Variants in CAPN13 observed in about 807,000 individuals in gnomAD.
CAPN13 encodes the protein calpain-13.
Under a neutral mutation model 98.4 loss-of-function variants are expected in CAPN13, and 90 were observed. That is an observed-to-expected ratio of 0.92 (90% CI 0.77 to 1.09). The LOEUF (loss-of-function observed/expected upper bound fraction) is 1.09. Ranked by LOEUF, CAPN13 falls within the 50% of genes least tolerant of loss-of-function variation. The pLI is 0.00. For synonymous variants in CAPN13, 330 were observed against 305.5 expected (o/e 1.08, Z -0.84); for missense variants, 887 against 841.3 (o/e 1.05, Z -0.67).
chr2:30,777,544 G>C (rs1231594018), intron 3 of CAPN13, 23 bp downstream of exon 3: 1 of 1,555,310 alleles, frequency 6.4e-7, no homozygotes, highest in South Asian at 1.2e-5. Flanking sequence ...CCAGGGCACG[G>C]AGGGAAGATG....
intron 1 of CAPN13, 44 bp from the exon 2 acceptor site, chr2:30,787,401 T>C: frequency 7.1e-7 from 1 of 1,417,514 alleles, no homozygotes. Flanking sequence ...AGCCATCAAG[T>C]CCTTTGCATC....
intron 2 of CAPN13, among the ~76,000 whole-genome samples, chr2:30,781,950 G>C (rs1674002058): frequency 6.6e-6 from 1 of 152,272 alleles, no homozygotes; most frequent in East Asian, 1.9e-4. Flanking sequence ...AGAACCCTGA[G>C]TAATACAGAA....
At position 30,764,261 on chromosome 2, in the gene CAPN13, A is replaced by G. The variant is rs1185485890; in HGVS notation, c.570T>C (p.Asp190=). The G allele has an allele frequency of 2.5e-6, 4 of 1,613,802 alleles. No individual in the cohort carries two copies. Among genetic ancestry groups the G allele is most frequent in the Non-Finnish European group, 3.4e-6 (4 of 1,179,844 alleles). The change falls in exon 6 of 23, where the codon GAT becomes GAC. Residue 190 remains aspartate, a synonymous_variant. Coordinates refer to ENST00000295055, the MANE Select transcript of CAPN13 (RefSeq NM_144575.3). ...CGCCTCCTGTGAGGTCCACCAGGGC[A>G]TCCTCGAGGAAGCCATAGTGCAGAT... The part of the protein sequence containing the change: ...YSDLHYGFLE[D]ALVDLTGGVI...
At chr2:30,786,985 G>T in intron 2 of CAPN13, 143 bp downstream of exon 2, 1 of 659,030 alleles carries the variant, frequency 1.5e-6, no homozygotes, top group Non-Finnish European at 2.6e-6. Context: ...CTGCTGAGTA[G>T]CTACAACACT....
chr2:30,734,244 G>A (rs957953279), intron 19 of CAPN13, among the ~76,000 whole-genome samples: 2 of 152,184 alleles, frequency 1.3e-5, no homozygotes, highest in African/African-American at 2.4e-5. Flanking sequence ...TGAATGGCAC[G>A]TGAGAACTCA....
chr2:30,735,942 G>A (rs1402239811), intron 18 of CAPN13, among the ~76,000 whole-genome samples: 2 of 152,136 alleles, frequency 1.3e-5, no homozygotes, highest in Non-Finnish European at 2.9e-5. Flanking sequence ...GGCTGAAGGG[G>A]CACAGGTGTG....
In CAPN13 at chr2:30,764,151, G is replaced by T; in HGVS notation, c.680C>A (p.Thr227Asn). ...KTATKAGSLITCATPSGPTDT... is the reference protein window; with the variant it reads ...KTATKAGSLINCATPSGPTDT... Reference sequence around the variant, plus strand: ...ACTTACCCCACTTGGAGTGGCACAGGTTATCAGGGAGCCTGCCTTGGTCGC... The same window carrying T: ...ACTTACCCCACTTGGAGTGGCACAGTTTATCAGGGAGCCTGCCTTGGTCGC... The change falls in exon 6 of 23, where the codon ACC becomes AAC. Residue 227 changes from threonine (T) to asparagine (N), a missense_variant. Physicochemically the swap from Thr to Asn is moderately conservative, Grantham distance 65. Transcript: ENST00000295055. The T allele has an allele frequency of 1.3e-6, 2 of 1,577,980 alleles. No individual in the cohort carries two copies. Among genetic ancestry groups the T allele is most frequent in the South Asian group, 2.3e-5 (2 of 86,044 alleles).
intron 4 of CAPN13, among the ~76,000 whole-genome samples, chr2:30,773,338 C>T (rs566320977): frequency 1.3e-5 from 2 of 151,176 alleles, no homozygotes; most frequent in African/African-American, 4.9e-5. Flanking sequence ...AAAACTCTCA[C>T]ATATTCTGAG....
At chr2:30,803,866 G>A (rs1020211512) in intron 1 of CAPN13, among the ~76,000 whole-genome samples, 4 of 152,142 alleles carry the variant, frequency 2.6e-5, no homozygotes, top group Non-Finnish European at 5.9e-5. Context: ...AGACTCCTTG[G>A]GGATTGCCTT....
chr2:30,771,632 C>T (rs910505535), intron 4 of CAPN13, among the ~76,000 whole-genome samples: 4 of 152,110 alleles, frequency 2.6e-5, no homozygotes, highest in Admixed American at 6.5e-5. Context: ...TCCGAAGCAC[C>T]GAGGGAAGCT....
intron 15 of CAPN13, among the ~76,000 whole-genome samples, chr2:30,740,368 C>T (rs1465843521): frequency 6.6e-6 from 1 of 152,230 alleles, no homozygotes; most frequent in Non-Finnish European, 1.5e-5. Context: ...GCTGGGATGA[C>T]AGGCGTCAGC....
intron 7 of CAPN13, among the ~76,000 whole-genome samples, chr2:30,759,873 G>A (rs1419970420): frequency 6.6e-6 from 1 of 152,320 alleles, no homozygotes; most frequent in East Asian, 1.9e-4. Context: ...GTGGGGCATT[G>A]CTGTGCAGGA....
intron 11 of CAPN13, among the ~76,000 whole-genome samples, chr2:30,749,018 G>A (rs890226048): frequency 6.6e-6 from 1 of 152,022 alleles, no homozygotes; most frequent in Non-Finnish European, 1.5e-5. Context: ...CCTAAGTTCT[G>A]GTATCAAACA....
At chr2:30,772,602 C>T (rs1255159963) in intron 4 of CAPN13, among the ~76,000 whole-genome samples, 2 of 152,162 alleles carry the variant, frequency 1.3e-5, no homozygotes, top group Non-Finnish European at 2.9e-5. Context: ...GAACCAGCAG[C>T]ACTAGCATCA....
intron 1 of CAPN13, among the ~76,000 whole-genome samples, chr2:30,795,687 C>T (rs375143392): frequency 3.7e-4 from 56 of 152,226 alleles, no homozygotes; most frequent in African/African-American, 1.3e-3. Context: ...TAAATATCTT[C>T]TCCCAGTTTG....
intron 1 of CAPN13, among the ~76,000 whole-genome samples, chr2:30,803,752 C>A (rs1675435403): frequency 6.6e-6 from 1 of 152,304 alleles, no homozygotes; most frequent in East Asian, 1.9e-4. Context: ...CAATTTGGAT[C>A]TCTTTATTCA....
At chr2:30,761,245 A>C (rs1672834632) in intron 7 of CAPN13, among the ~76,000 whole-genome samples, 1 of 152,216 alleles carries the variant, frequency 6.6e-6, no homozygotes, top group African/African-American at 2.4e-5. Flanking sequence ...GGGATGGATT[A>C]CACGGGACAT....
intron 12 of CAPN13, chr2:30,743,868 A>G (rs1202556104): frequency 1.9e-6 from 1 of 540,478 alleles, no homozygotes; most frequent in Non-Finnish European, 3.4e-6. Flanking sequence ...CTGCTTATAT[A>G]GAGAGAAAAC....
intron 13 of CAPN13, among the ~76,000 whole-genome samples, chr2:30,742,770 C>T (rs1231338786): frequency 1.3e-5 from 2 of 152,134 alleles, no homozygotes; most frequent in African/African-American, 4.8e-5. Flanking sequence ...CAAGAGGAGA[C>T]AAGGGGCCCA....
Sources: gnomAD v4.1 joint callset for allele counts (sites outside exome capture counted in the v4.1 genomes callset) on GRCh38, gnomAD v4.1.1 for gene constraint, MANE v1.5 for transcripts, NCBI Gene and HGNC (gene_info 2026-07-23, HGNC 2026-07-21) for gene names.